ZIM2: variants seen among roughly 807,000 people sequenced by gnomAD.
The protein encoded by ZIM2 is zinc finger imprinted 2.
In ZIM2, 14 loss-of-function variants were observed where a neutral mutation model predicts 38.6. That is an observed-to-expected ratio of 0.36 (90% CI 0.24 to 0.57). ZIM2 has a LOEUF of 0.57. Among genes scored for constraint, ZIM2 ranks in the 20% least tolerant of loss-of-function variants. ZIM2 has a pLI of 0.81. For missense variants in ZIM2, 680 were observed against 695.1 expected (o/e 0.98, Z 0.24); for synonymous variants, 247 against 245.8 (o/e 1.00, Z -0.04).
At chr19:56,837,051 T>C (rs1232256380) in intron 1 of ZIM2, among the ~76,000 whole-genome samples, 1 of 147,638 alleles carries the variant, frequency 6.8e-6, no homozygotes, top group Non-Finnish European at 1.5e-5. Context: ...TTTCCCTACC[T>C]CAAACAAAAC....
At chr19:56,811,373 G>A in intron 9 of ZIM2, 8 of 876,326 alleles carry the variant, frequency 9.1e-6, no homozygotes, top group Non-Finnish European at 1.1e-5. Context: ...TATAACTGTA[G>A]TATAAATATA....
chr19:56,822,925 A>G, intron 5 of ZIM2, 89 bp from the exon 6 acceptor site: 2 of 1,506,430 alleles, frequency 1.3e-6, no homozygotes, highest in South Asian at 2.4e-5. Flanking sequence ...CTGGAAAGAG[A>G]TGCTACCCTC....
chr19:56,821,853 G>T, intron 6 of ZIM2, 99 bp from the exon 7 acceptor site: 1 of 1,299,518 alleles, frequency 7.7e-7, no homozygotes, highest in Middle Eastern at 2.5e-4. Flanking sequence ...GGGTGTGAGT[G>T]TATGAGAGCA....
intron 9 of ZIM2, chr19:56,811,299 AAC>A (rs1377989644): frequency 3.5e-5 from 32 of 917,204 alleles, no homozygotes; most frequent in Non-Finnish European, 3.6e-5. Flanking sequence ...TATATTTTTA[AAC>A]AGTTATAATG....
intron 9 of ZIM2, among the ~76,000 whole-genome samples, chr19:56,791,464 C>A (rs1026529138): frequency 6.6e-6 from 1 of 152,172 alleles, no homozygotes; most frequent in African/African-American, 2.4e-5. Context: ...TGGGATTAAT[C>A]ATAATCCTTA....
rs1482965198 is a variant in ZIM2 at position 56,814,904 on chromosome 19, C to T, written c.490+2842G>A. 2 of 1,614,108 alleles carry T rather than the reference C, an allele frequency of 1.2e-6. No homozygotes were observed. The highest frequency in any genetic ancestry group is 1.1e-5 in the South Asian group (1 of 91,076). On this transcript the variant is annotated intron_variant, in intron 9 of 12. Transcript: ENST00000629319. The surrounding 1 kb of genome is among the most constrained non-coding windows in gnomAD (Gnocchi z 5.8). ...TCTTGTTCATGGATTCTCTGATGCT[C>T]GAAAAGGAATGAGCTATGAATAAAA...
chr19:56,827,253 C>A (rs1312705313), intron 2 of ZIM2, among the ~76,000 whole-genome samples: 3 of 151,484 alleles, frequency 2.0e-5, no homozygotes, highest in Middle Eastern at 3.2e-3. Context: ...ACTTCTGTGC[C>A]AAAAAAAATA....
rs1325821289 is a variant in ZIM2 at position 56,826,442 on chromosome 19, AACAGAGTCAAAAC to A, written c.-218_-206del. 6.6e-6 allele frequency: 1 copy of A among 152,276 alleles called. No homozygotes were observed. Among genetic ancestry groups the A allele is most frequent in the African/African-American group, 2.4e-5 (1 of 41,470 alleles). The allele number at this position is 152,276 out of a possible 1,614,324, so 9.4% of individuals were successfully genotyped here. On this transcript the variant is annotated 5_prime_UTR_variant, in exon 3 of 13. Transcript: ENST00000629319. ...TTCAGACCAAGCAGCTATCCACAGG[AACAGAGTCAAAAC>A]ACAGGTATCTGCAGAAGTTTTAAAG...
chr19:56,780,782 C>T (rs751626593), intron 11 of ZIM2, among the ~76,000 whole-genome samples: 3 of 152,114 alleles, frequency 2.0e-5, no homozygotes, highest in Non-Finnish European at 2.9e-5. Flanking sequence ...ATATTCTCTA[C>T]GTGATACCAT....
chr19:56,778,735 G>C (rs1349320824), intron 12 of ZIM2, among the ~76,000 whole-genome samples: 1 of 152,074 alleles, frequency 6.6e-6, no homozygotes, highest in African/African-American at 2.4e-5. Context: ...TTTGGGTGTG[G>C]GTTTTCTGTT....
intron 9 of ZIM2, 49 bp from the exon 10 acceptor site, chr19:56,790,000 C>G (rs748115191): frequency 1.9e-5 from 27 of 1,434,590 alleles, no homozygotes; most frequent in Non-Finnish European, 2.5e-5. Context: ...TCTGGTAGCA[C>G]TGACAGACAC....
At chr19:56,837,005 T>C (rs888865395) in intron 1 of ZIM2, among the ~76,000 whole-genome samples, 1 of 132,874 alleles carries the variant, frequency 7.5e-6, no homozygotes, top group Non-Finnish European at 1.6e-5. Flanking sequence ...AAAAAAAAAT[T>C]ATGACAGGCT....
At chr19:56,832,835 C>A (rs911434381) in intron 2 of ZIM2, among the ~76,000 whole-genome samples, 3 of 152,180 alleles carry the variant, frequency 2.0e-5, no homozygotes, top group African/African-American at 7.2e-5. Context: ...ACAAGCCTGG[C>A]GCTGCCTGCT....
At chr19:56,804,674 G>A (rs574547112) in intron 9 of ZIM2, among the ~76,000 whole-genome samples, 64 of 152,206 alleles carry the variant, frequency 4.2e-4, no homozygotes, top group Non-Finnish European at 8.2e-4. Flanking sequence ...ATTAGAATGG[G>A]ACAGGCAGAG....
intron 9 of ZIM2, chr19:56,813,929 A>T: frequency 6.2e-7 from 1 of 1,614,202 alleles, no homozygotes; most frequent in Non-Finnish European, 8.5e-7. Context: ...TGGCAGTCAT[A>T]GTATGGTTCT....
intron 12 of ZIM2, 22 bp downstream of exon 12, chr19:56,779,355 G>A (rs928466400): frequency 4.3e-6 from 7 of 1,611,446 alleles, no homozygotes; most frequent in South Asian, 3.3e-5. Flanking sequence ...CCTACACCCC[G>A]GGCTTCCCCC....
chr19:56,781,266 CAGG>C (rs2046318741), intron 11 of ZIM2, among the ~76,000 whole-genome samples: 1 of 152,068 alleles, frequency 6.6e-6, no homozygotes, highest in African/African-American at 2.4e-5. Flanking sequence ...TTCTGTTTTT[CAGG>C]AGACCTCAAG....
intron 9 of ZIM2, chr19:56,813,885 T>C (rs1421650959): frequency 5.0e-6 from 8 of 1,614,232 alleles, no homozygotes; most frequent in African/African-American, 1.3e-5. Context: ...GTTCACTGAA[T>C]GCTGTGCTGG....
At chr19:56,801,254 A>G (rs774216448) in intron 9 of ZIM2, among the ~76,000 whole-genome samples, 2 of 152,036 alleles carry the variant, frequency 1.3e-5, no homozygotes, top group Non-Finnish European at 2.9e-5. Flanking sequence ...GTATTAATTT[A>G]CTATTAATGA....
Sources: gnomAD v4.1 joint callset for allele counts (sites outside exome capture counted in the v4.1 genomes callset) on GRCh38, gnomAD v4.1.1 for gene constraint, Gnocchi (gnomAD v3.1) non-coding constraint, MANE v1.5 for transcripts, NCBI Gene and HGNC (gene_info 2026-07-23, HGNC 2026-07-21) for gene names.